Variants in BBX observed in about 807,000 individuals in gnomAD.
BBX encodes BBX high mobility group box domain containing.
In BBX, 30 loss-of-function variants were observed where a neutral mutation model predicts 100.2. The observed-to-expected ratio is 0.30, with a 90% CI of 0.22 to 0.41. The LOEUF (loss-of-function observed/expected upper bound fraction) is 0.41. Among genes scored for constraint, BBX ranks in the 10% least tolerant of loss-of-function variants. The pLI, the probability that BBX is intolerant of heterozygous loss-of-function variation, is 1.00. For missense variants in BBX, 1,023 were observed against 1,129.8 expected (o/e 0.91, Z 1.35); for synonymous variants, 376 against 388.1 (o/e 0.97, Z 0.37).
rs1365023559 is a variant in BBX at position 107,716,739 on chromosome 3, C to T, written c.295C>T (p.Arg99Cys). 8 of 1,613,670 alleles carry T rather than the reference C, an allele frequency of 5.0e-6. No individual in the cohort carries two copies. Among genetic ancestry groups the T allele is most frequent in the Non-Finnish European group, 6.8e-6 (8 of 1,179,792 alleles). ...LFCKRHRSLV[R>C]QEHPRLDNRG... ...TTGCAAACGCCATCGCTCTCTTGTA[C>T]GTCAGGAACACCCCAGGCTTGATAA... The change falls in exon 5 of 18, where the codon CGT becomes TGT. Residue 99 changes from arginine to cysteine, a missense_variant. Arg to Cys is a radical substitution (Grantham distance 180). Transcript: ENST00000325805.
Position 107,522,983 on chromosome 3 carries a change from GC to G in BBX, c.-279del, listed in dbSNP as rs1356737717. 1 of 152,668 alleles carries G rather than the reference GC, an allele frequency of 6.6e-6. No homozygotes were observed. Among genetic ancestry groups the G allele is most frequent in the Admixed American group, 6.5e-5 (1 of 15,292 alleles). The allele number at this position is 152,668 out of a possible 1,614,324, so 9.5% of individuals were successfully genotyped here. On this transcript the variant is annotated 5_prime_UTR_variant, in exon 1 of 18. It removes the in-frame stop codon of an upstream open reading frame in the 5' UTR. Transcript: ENST00000325805. ...CCGGGTTGCATGTACTGTATGTGGA[GC>G]AGTGTACAGTGAAGCGGAGGCAGAG...
intron 2 of BBX, among the ~76,000 whole-genome samples, chr3:107,605,454 A>G (rs1576468827): frequency 6.6e-6 from 1 of 151,628 alleles, no homozygotes; most frequent in African/African-American, 2.4e-5. Flanking sequence ...TTTGTTATTC[A>G]CTCAGTGTTC....
chr3:107,617,122 G>T (rs915961665), intron 2 of BBX, among the ~76,000 whole-genome samples: 1 of 152,268 alleles, frequency 6.6e-6, no homozygotes, highest in African/African-American at 2.4e-5. Context: ...TCTACTCGCT[G>T]TAGCACAGTT....
intron 12 of BBX, among the ~76,000 whole-genome samples, chr3:107,776,663 C>T (rs2067344412): frequency 1.3e-5 from 2 of 152,128 alleles, no homozygotes; most frequent in Admixed American, 1.3e-4. Flanking sequence ...GAAAAATTCT[C>T]TCAGTATTGA....
At chr3:107,731,900 G>A (rs1373822403) in intron 6 of BBX, among the ~76,000 whole-genome samples, 3 of 152,114 alleles carry the variant, frequency 2.0e-5, no homozygotes, top group African/African-American at 4.8e-5. Context: ...TTAAATATAC[G>A]TTGAGGACCT....
rs183489661 is a variant in BBX, at chr3:107,723,783, G to C, written c.406-4982G>C. On this transcript the variant is annotated intron_variant, in intron 5 of 17. Transcript: ENST00000325805. ...GCATAGTATTCCATGGTGTATATGT[G>C]CCACATTTTCTTAATCCAGACTATC... Among the ~76,000 whole-genome samples, 288 of 152,172 alleles carry C rather than the reference G, an allele frequency of 1.9e-3. 1 individual carries two copies. Among genetic ancestry groups the C allele is most frequent in the Non-Finnish European group, 3.6e-3 (244 of 68,000 alleles).
At chr3:107,606,253 G>A (rs944168938) in intron 2 of BBX, among the ~76,000 whole-genome samples, 5 of 152,272 alleles carry the variant, frequency 3.3e-5, no homozygotes, top group Admixed American at 6.5e-5. Context: ...TAAGACCCAC[G>A]GTCAGCAGTG....
chr3:107,558,971 C>G (rs771391500), intron 2 of BBX, among the ~76,000 whole-genome samples: 6 of 152,130 alleles, frequency 3.9e-5, no homozygotes, highest in African/African-American at 7.2e-5. Context: ...AGTAGTAGTT[C>G]ATGTAAAAAT....
chr3:107,541,671 A>T (rs766071658), intron 2 of BBX, among the ~76,000 whole-genome samples: 1 of 151,960 alleles, frequency 6.6e-6, no homozygotes, highest in Non-Finnish European at 1.5e-5. Context: ...TCCCCCCCCC[A>T]TGAGACATAT....
chr3:107,755,611 C>T lies in BBX; in HGVS notation c.839C>T (p.Thr280Ile). The T allele has an allele frequency of 6.2e-7, 1 of 1,613,812 alleles. No individual in the cohort carries two copies. Among genetic ancestry groups the T allele is most frequent in the Non-Finnish European group, 8.5e-7 (1 of 1,179,768 alleles). Residue 280 changes from threonine to isoleucine, a missense_variant, in exon 10 of 18, where the codon ACT becomes ATT. Around this residue, in one of 9 missense-constraint regions of BBX, gnomAD observed 95 missense variants for 95.1 expected, o/e 1.00. Coordinates refer to ENST00000325805, the MANE Select transcript of BBX (RefSeq NM_001142568.3). ...TCTTTAATATAGATTTCTTCAAACACTTCGCAGTTGGGTGGTGCTGAGCCT... is the reference window on the plus strand; with the variant it reads ...TCTTTAATATAGATTTCTTCAAACATTTCGCAGTTGGGTGGTGCTGAGCCT... ...LFQFAEISSN[T>I]SQLGGAEPVK...
rs534863673 is a variant in BBX at position 107,543,711 on chromosome 3, C to T, written c.-84+17313C>T. On this transcript the variant is annotated intron_variant, in intron 2 of 17. Transcript: ENST00000325805. Reference sequence around the variant, plus strand: ...TATTACAGTCTGATTTTAGGAAAAACCATTCCAGCTTCACAACAGCTCATC... The same window carrying T: ...TATTACAGTCTGATTTTAGGAAAAATCATTCCAGCTTCACAACAGCTCATC... 2.9e-3 allele frequency among the ~76,000 whole-genome samples: 445 copies of T among 152,308 alleles called. 5 individuals are homozygous for T. Among genetic ancestry groups the T allele is most frequent in the Non-Finnish European group, 2.0e-3 (134 of 68,028 alleles).
At chr3:107,739,403 G>C (rs2063899000) in intron 7 of BBX, among the ~76,000 whole-genome samples, 1 of 152,078 alleles carries the variant, frequency 6.6e-6, no homozygotes, top group Admixed American at 6.6e-5. Flanking sequence ...CTTTTCTTGG[G>C]TGGCTCCCCC....
At chr3:107,662,927 TTAAA>T (rs1382489778) in intron 3 of BBX, 1 of 152,208 alleles carries the variant, frequency 6.6e-6, no homozygotes, top group Non-Finnish European at 1.5e-5. Flanking sequence ...AAATTGTTTG[TTAAA>T]TAAATATGTT....
At chr3:107,567,439 AT>A (rs1381241668) in intron 2 of BBX, among the ~76,000 whole-genome samples, 1 of 152,086 alleles carries the variant, frequency 6.6e-6, no homozygotes. Flanking sequence ...AAGTATATAG[AT>A]AATTGGTGAT....
At chr3:107,566,090 G>A (rs891675849) in intron 2 of BBX, among the ~76,000 whole-genome samples, 1 of 138,686 alleles carries the variant, frequency 7.2e-6, no homozygotes, top group East Asian at 2.3e-4. Flanking sequence ...CAGGAGAATC[G>A]CTTGAACTCG....
chr3:107,588,818 A>G (rs989841250), intron 2 of BBX, among the ~76,000 whole-genome samples: 3 of 152,250 alleles, frequency 2.0e-5, no homozygotes, highest in Non-Finnish European at 2.9e-5. Context: ...TGCCAGGGTT[A>G]TAAAGGAAAA....
intron 9 of BBX, among the ~76,000 whole-genome samples, chr3:107,751,528 GTTTTGATTTT>G (rs987217910): frequency 1.3e-5 from 2 of 151,934 alleles, no homozygotes; most frequent in African/African-American, 4.8e-5. Flanking sequence ...TGTTTTGTTT[GTTTTGATTTT>G]TTTTCATTGA....
chr3:107,755,629 C>T lies in BBX; in HGVS notation c.857C>T (p.Ala286Val). ...ISSNTSQLGG[A>V]EPVKRCGKSA... ...TCAAACACTTCGCAGTTGGGTGGTGCTGAGCCTGTAAAACGCTGTGGAAAG... is the reference window on the plus strand; with the variant it reads ...TCAAACACTTCGCAGTTGGGTGGTGTTGAGCCTGTAAAACGCTGTGGAAAG... The change falls in exon 10 of 18, where the codon GCT becomes GTT. Residue 286 changes from alanine (A) to valine (V), a missense_variant. Physicochemically the swap from Ala to Val is moderately conservative, Grantham distance 64. Coordinates refer to ENST00000325805, the MANE Select transcript of BBX (RefSeq NM_001142568.3). 6.2e-7 allele frequency: 1 copy of T among 1,613,906 alleles called. No homozygotes were observed. Among genetic ancestry groups the T allele is most frequent in the Non-Finnish European group, 8.5e-7 (1 of 1,179,860 alleles).
intron 2 of BBX, among the ~76,000 whole-genome samples, chr3:107,600,644 A>C (rs1433872736): frequency 2.0e-5 from 3 of 152,206 alleles, no homozygotes; most frequent in Admixed American, 2.0e-4. Flanking sequence ...AGCTATTACA[A>C]ATTCTTGAGA....
Sources: allele counts gnomAD v4.1 joint callset (sites outside exome capture counted in the v4.1 genomes callset), GRCh38; gene constraint gnomAD v4.1.1; regional missense constraint gnomAD v4.1.1; transcripts MANE v1.5; gene names NCBI Gene and HGNC (gene_info 2026-07-23, HGNC 2026-07-21).